The following GOLIM4 variants were observed in gnomAD, a reference collection of about 807,000 sequenced individuals.
GOLIM4 encodes 130 kDa golgi-localized phosphoprotein.
In GOLIM4, 71 loss-of-function variants were observed where a neutral mutation model predicts 107.4. The ratio of observed to expected loss-of-function variants is 0.66; its 90% CI spans 0.55 to 0.81. The LOEUF (loss-of-function observed/expected upper bound fraction) is 0.81. GOLIM4 is among the 30% of genes least tolerant of loss of function. GOLIM4 has a pLI of 0.00. For missense variants in GOLIM4, 830 were observed against 826.1 expected (o/e 1.00, Z -0.06); for synonymous variants, 327 against 294.8 (o/e 1.11, Z -1.12).
intron 14 of GOLIM4, among the ~76,000 whole-genome samples, chr3:168,012,291 G>A (rs971499096): frequency 2.0e-4 from 28 of 138,230 alleles, no homozygotes; most frequent in Non-Finnish European, 3.8e-4. Flanking sequence ...GGGTATCAGC[G>A]ATGGAAGATG....
intron 1 of GOLIM4, among the ~76,000 whole-genome samples, chr3:168,065,239 A>C (rs1298633390): frequency 2.0e-5 from 3 of 152,246 alleles, no homozygotes; most frequent in Non-Finnish European, 4.4e-5. Flanking sequence ...AAAGGAGAAG[A>C]GTAGTGGCAT....
At chr3:168,073,449 A>T (rs1720930714) in intron 1 of GOLIM4, among the ~76,000 whole-genome samples, 1 of 152,230 alleles carries the variant, frequency 6.6e-6, no homozygotes, top group African/African-American at 2.4e-5. Context: ...GAAAAGGCCA[A>T]CTATTTTATC....
chr3:168,064,608 T>TTC (rs1201173331), intron 1 of GOLIM4, among the ~76,000 whole-genome samples: 1 of 151,484 alleles, frequency 6.6e-6, no homozygotes, highest in Non-Finnish European at 1.5e-5. Context: ...GGGGATTTTT[T>TTC]TTTTTTTTTT....
At chr3:168,042,711 A>G (rs561805841) in intron 5 of GOLIM4, among the ~76,000 whole-genome samples, 20 of 152,254 alleles carry the variant, frequency 1.3e-4, no homozygotes, top group Non-Finnish European at 2.5e-4. Context: ...TCATATTACT[A>G]TGAAAATACC....
rs997831269 is a variant in GOLIM4 at position 168,024,835 on chromosome 3, C to T, written c.1791+93G>A. On this transcript the variant is annotated intron_variant, in intron 13 of 15. Transcript: ENST00000470487. ...AAAACCACCGAAGTGGCAAACCTTC[C>T]GTCAATGTGGAATATGACTAACCTT... 11 of 1,291,856 alleles carry T rather than the reference C, an allele frequency of 8.5e-6. No homozygotes were observed. The African/African-American group carries it at 8.8e-5, about 10-fold the overall frequency. The allele number at this position is 1,291,856 out of a possible 1,614,324, so 80.0% of individuals were successfully genotyped here. A position where few individuals can be genotyped will look rare whatever the true frequency, so the allele number is the denominator to read the frequency against.
At chr3:168,059,730 A>G (rs1446001401) in intron 1 of GOLIM4, among the ~76,000 whole-genome samples, 1 of 152,212 alleles carries the variant, frequency 6.6e-6, no homozygotes, top group Non-Finnish European at 1.5e-5. Context: ...AAAGAGATCG[A>G]AAGAGACTGG....
intron 7 of GOLIM4, among the ~76,000 whole-genome samples, chr3:168,040,280 C>T (rs1326298579): frequency 1.3e-5 from 2 of 152,190 alleles, no homozygotes; most frequent in Non-Finnish European, 2.9e-5. Flanking sequence ...GAGCTTATGA[C>T]TCTTGTTTTT....
At chr3:168,068,843 T>A (rs866242984) in intron 1 of GOLIM4, among the ~76,000 whole-genome samples, 3,056 of 150,422 alleles carry the variant, frequency 0.02, 87 homozygotes, top group African/African-American at 0.07. Context: ...TTTTATTTTT[T>A]TTTTTTTTTT....
intron 1 of GOLIM4, among the ~76,000 whole-genome samples, chr3:168,079,152 A>G (rs1423714608): frequency 6.6e-6 from 1 of 152,226 alleles, no homozygotes; most frequent in Non-Finnish European, 1.5e-5. Flanking sequence ...AAAGAACTAG[A>G]GCATTCATAG....
intron 1 of GOLIM4, among the ~76,000 whole-genome samples, chr3:168,089,733 A>G (rs551229234): frequency 1.8e-4 from 27 of 152,144 alleles, no homozygotes; most frequent in Admixed American, 5.9e-4. Context: ...ATGAAGGAAT[A>G]AAAAAAGCCT....
Position 168,095,485 on chromosome 3 carries a change from C to CCGGG in GOLIM4, c.-204_-201dup. On this transcript the variant is annotated 5_prime_UTR_variant, in exon 1 of 16. It removes the in-frame stop codon of an upstream open reading frame in the 5' UTR. Transcript: ENST00000470487. Reference sequence around the variant, plus strand: ...CGGGGCGCGCAGCCATCGACGCCGCCCGGGCAGCTGCAGCCAAACTTCTGC... The same window carrying CCGGG: ...CGGGGCGCGCAGCCATCGACGCCGCCCGGGCGGGCAGCTGCAGCCAAACTTCTGC... 1.9e-6 allele frequency: 1 copy of CCGGG among 530,798 alleles called. No homozygotes were observed. The highest frequency in any genetic ancestry group is 3.3e-6 in the Non-Finnish European group (1 of 303,752). 32.9% of individuals were successfully genotyped at this position (530,798 alleles called of 1,614,324 possible).
intron 4 of GOLIM4, 44 bp downstream of exon 4, chr3:168,044,784 T>G (rs1159834305): frequency 2.7e-6 from 3 of 1,107,080 alleles, no homozygotes; most frequent in Non-Finnish European, 4.0e-6. Context: ...AAGTATTAGT[T>G]AATCCTTTCT....
intron 9 of GOLIM4, among the ~76,000 whole-genome samples, chr3:168,031,045 G>A (rs1192795873): frequency 6.6e-6 from 1 of 152,208 alleles, no homozygotes; most frequent in Non-Finnish European, 1.5e-5. Flanking sequence ...GTCATACGCA[G>A]TGACATGGAT....
chr3:168,024,417 T>C (rs1004619780), intron 14 of GOLIM4, 109 bp downstream of exon 14: 23 of 867,514 alleles, frequency 2.7e-5, no homozygotes, highest in Non-Finnish European at 4.5e-5. Context: ...TAAATTTTTC[T>C]GAACATTTCT....
At chr3:168,012,731 T>C (rs1717125525) in intron 14 of GOLIM4, among the ~76,000 whole-genome samples, 1 of 152,026 alleles carries the variant, frequency 6.6e-6, no homozygotes. Context: ...TGGGGGCCAA[T>C]ATTCAACATT....
chr3:168,023,076 G>A (rs1717801353), intron 14 of GOLIM4, among the ~76,000 whole-genome samples: 1 of 152,080 alleles, frequency 6.6e-6, no homozygotes, highest in East Asian at 1.9e-4. Flanking sequence ...ATATAAAATT[G>A]AAAAGGAATC....
intron 14 of GOLIM4, among the ~76,000 whole-genome samples, chr3:168,016,626 A>G (rs1468302201): frequency 7.5e-6 from 1 of 133,444 alleles, no homozygotes; most frequent in Non-Finnish European, 1.5e-5. Context: ...ACAATAGCAA[A>G]GACTTGGAAC....
chr3:168,016,729 C>A (rs1717387145), intron 14 of GOLIM4, among the ~76,000 whole-genome samples: 1 of 135,476 alleles, frequency 7.4e-6, no homozygotes, highest in Non-Finnish European at 1.5e-5. Context: ...AGTATGAGTT[C>A]ATGTCCTTTG....
Position 168,095,096 on chromosome 3 carries a change from TA to T in GOLIM4, c.187+2del. The T allele has an allele frequency of 6.3e-7, 1 of 1,596,054 alleles. No homozygotes were observed. Among genetic ancestry groups the T allele is most frequent in the African/African-American group, 1.3e-5 (1 of 74,492 alleles). On this transcript the variant is annotated splice_donor_variant, in intron 1 of 15. Transcript: ENST00000470487. LOFTEE classifies it high-confidence loss of function. Reference sequence around the variant, plus strand: ...CCGGCTGCGCGCGTCCCGTTAGCCGTACCTTGTAACTGGGCGGAGAGGGACT... The same window carrying T: ...CCGGCTGCGCGCGTCCCGTTAGCCGTCCTTGTAACTGGGCGGAGAGGGACT...
Sources: gnomAD v4.1 joint callset for allele counts (sites outside exome capture counted in the v4.1 genomes callset) on GRCh38, gnomAD v4.1.1 for gene constraint, MANE v1.5 for transcripts, NCBI Gene and HGNC (gene_info 2026-07-23, HGNC 2026-07-21) for gene names.